TRAK1: variants seen among roughly 807,000 people sequenced by gnomAD.
TRAK1 encodes the protein trafficking kinesin protein 1.
Under a neutral mutation model 92.1 loss-of-function variants are expected in TRAK1, and 33 were observed. That is an observed-to-expected ratio of 0.36 (90% confidence interval 0.27 to 0.48). The LOEUF (loss-of-function observed/expected upper bound fraction) is 0.48, where lower values mean the gene tolerates loss of function less well. Among genes scored for constraint, TRAK1 ranks in the 20% least tolerant of loss-of-function variants. The pLI is 0.99. For missense variants in TRAK1, 1,123 were observed against 1,257.9 expected (o/e 0.89, Z 1.62); for synonymous variants, 521 against 517.3 (o/e 1.01, Z -0.10).
intron 14 of TRAK1, chr3:42,211,175 A>G (rs1388615773): frequency 1.0e-6 from 1 of 984,880 alleles, no homozygotes; most frequent in Non-Finnish European, 1.2e-6. Context: ...GAAGGCCACA[A>G]CACTCCCCTT....
At chr3:42,086,311 C>CTTTTTTTTT (rs750932535), upstream of TRAK1, among the ~76,000 whole-genome samples, 61 of 140,484 alleles carry the variant, frequency 4.3e-4, no homozygotes, top group African/African-American at 1.7e-3. Flanking sequence ...CTTTTTCTTT[C>CTTTTTTTTT]TTTTTTTTTT....
At chr3:42,111,117 T>C (rs1216224764) in intron 1 of TRAK1, among the ~76,000 whole-genome samples, 2 of 152,072 alleles carry the variant, frequency 1.3e-5, no homozygotes, top group African/African-American at 4.8e-5. Context: ...AAAGGGGTGG[T>C]TGGCAGAGAA....
intron 2 of TRAK1, among the ~76,000 whole-genome samples, chr3:42,143,994 T>C (rs535394240): frequency 6.6e-6 from 1 of 152,308 alleles, no homozygotes; most frequent in South Asian, 2.1e-4. Context: ...CATTGTTTTG[T>C]TTCTTTCCTA....
intron 14 of TRAK1, chr3:42,211,741 A>G (rs746644598): frequency 1.7e-5 from 17 of 985,334 alleles, no homozygotes; most frequent in Non-Finnish European, 1.9e-5. Context: ...GAAGGGACCA[A>G]TTATGAGGAC....
At chr3:42,137,629 G>A (rs1698113091) in intron 2 of TRAK1, among the ~76,000 whole-genome samples, 1 of 152,178 alleles carries the variant, frequency 6.6e-6, no homozygotes, top group Non-Finnish European at 1.5e-5. Context: ...GTTTTGTGGG[G>A]GAAAGCAGTA....
chr3:42,109,263 G>T (rs1708013166), intron 1 of TRAK1, among the ~76,000 whole-genome samples: 1 of 152,104 alleles, frequency 6.6e-6, no homozygotes, highest in Admixed American at 6.6e-5. Flanking sequence ...TGATGTGTTT[G>T]TTATCATTAT....
chr3:42,116,402 A>C (rs546203991), intron 1 of TRAK1, among the ~76,000 whole-genome samples: 1 of 152,378 alleles, frequency 6.6e-6, no homozygotes, highest in African/African-American at 2.4e-5. Flanking sequence ...TGTTCAGCTA[A>C]AGCTGTAAAC....
chr3:42,090,661 C>T (rs1704973882), upstream of TRAK1, among the ~76,000 whole-genome samples: 2 of 152,100 alleles, frequency 1.3e-5, no homozygotes, highest in Admixed American at 6.5e-5. Flanking sequence ...CTAGCCTTGG[C>T]GACAGAGTGA....
intron 1 of TRAK1, among the ~76,000 whole-genome samples, chr3:42,041,785 G>GT (rs530723218): frequency 0.16 from 21,851 of 133,502 alleles, 1,789 homozygotes; most frequent in Admixed American, 0.23. Flanking sequence ...TATTTCTATT[G>GT]TTTTTTTTTT....
At chr3:42,042,772 G>A (rs1702599003) in intron 1 of TRAK1, among the ~76,000 whole-genome samples, 1 of 152,164 alleles carries the variant, frequency 6.6e-6, no homozygotes, top group Non-Finnish European at 1.5e-5. Context: ...TTGCTTCACA[G>A]TGTATGCTCC....
At chr3:42,019,229 C>T (rs1477225269) in intron 1 of TRAK1, among the ~76,000 whole-genome samples, 2 of 152,052 alleles carry the variant, frequency 1.3e-5, no homozygotes, top group Non-Finnish European at 2.9e-5. Context: ...TATACAGAAC[C>T]ACGGGATTTT....
At chr3:42,157,864 G>T (rs1407329911) in intron 2 of TRAK1, among the ~76,000 whole-genome samples, 1 of 152,144 alleles carries the variant, frequency 6.6e-6, no homozygotes, top group Non-Finnish European at 1.5e-5. Context: ...TGTTGAGAAA[G>T]AGAAAGTAAA....
intron 2 of TRAK1, among the ~76,000 whole-genome samples, chr3:42,150,189 G>A (rs1180477000): frequency 6.6e-6 from 1 of 151,904 alleles, no homozygotes; most frequent in Admixed American, 6.6e-5. Context: ...GATGGGAGGG[G>A]CAGGGAAAGA....
chr3:42,193,537 C>T lies in TRAK1; in HGVS notation c.901-287C>T, dbSNP rs148995931. Among the ~76,000 whole-genome samples the T allele has an allele frequency of 8.1e-3, 1,239 of 152,032 alleles. 14 individuals carry two copies. Among genetic ancestry groups the T allele is most frequent in the African/African-American group, 0.027 (1,130 of 41,400 alleles). Reference sequence around the variant, plus strand: ...ATATGTGCTGCAGTAGAGCAGTATCCTCTTCAGATTTAAGAAGAGGCAGCA... The same window carrying T: ...ATATGTGCTGCAGTAGAGCAGTATCTTCTTCAGATTTAAGAAGAGGCAGCA... On this transcript the variant is annotated intron_variant, in intron 8 of 15. Coordinates refer to ENST00000327628, the MANE Select transcript of TRAK1 (RefSeq NM_001042646.3).
chr3:42,210,502 T>C, intron 14 of TRAK1: 1 of 1,201,216 alleles, frequency 8.3e-7, no homozygotes, highest in Non-Finnish European at 1.0e-6. Context: ...AGGGGAAGAT[T>C]CTCAAGTCCC....
intron 2 of TRAK1, among the ~76,000 whole-genome samples, chr3:42,168,410 T>C (rs1171813294): frequency 6.6e-6 from 1 of 152,230 alleles, no homozygotes; most frequent in Non-Finnish European, 1.5e-5. Context: ...ATTTGGTAAC[T>C]TAAATATCAC....
chr3:42,217,055 A>G (rs1203341298), intron 14 of TRAK1, among the ~76,000 whole-genome samples: 1 of 143,490 alleles, frequency 7.0e-6, no homozygotes, highest in Non-Finnish European at 1.5e-5. Context: ...CAACCCCCCT[A>G]TTTCCTGCCA....
intron 13 of TRAK1, chr3:42,203,890 A>T: frequency 5.2e-6 from 5 of 954,926 alleles, no homozygotes; most frequent in Non-Finnish European, 6.2e-6. Flanking sequence ...GTTTACCTCA[A>T]AAGAACCTGT....
intron 1 of TRAK1, among the ~76,000 whole-genome samples, chr3:42,119,500 G>C (rs1157783904): frequency 6.6e-6 from 1 of 152,214 alleles, no homozygotes; most frequent in African/African-American, 2.4e-5. Context: ...AGAGACCAAA[G>C]TAATTGGAAC....
Sources: gnomAD v4.1 joint callset for allele counts (sites outside exome capture counted in the v4.1 genomes callset) on GRCh38, gnomAD v4.1.1 for gene constraint, MANE v1.5 for transcripts, NCBI Gene and HGNC (gene_info 2026-07-23, HGNC 2026-07-21) for gene names.